The following XPR1 variants were observed in gnomAD, a reference collection of about 807,000 sequenced individuals.
The protein encoded by XPR1 is solute carrier family 53 member 1.
In XPR1, 28 loss-of-function variants were observed where a neutral mutation model predicts 87.5. That is an observed-to-expected ratio of 0.32 (90% CI 0.24 to 0.44). The LOEUF is 0.44. Ranked by LOEUF, XPR1 falls within the 20% of genes least tolerant of loss-of-function variation. The pLI, the probability that XPR1 is intolerant of heterozygous loss-of-function variation, is 1.00. For synonymous variants in XPR1, 300 were observed against 306.1 expected, an observed-to-expected ratio of 0.98 and a Z score of 0.21; for missense variants, 559 against 862.3, an observed-to-expected ratio of 0.65 and a Z score of 4.41.
chr1:180,835,080 G>T (rs143820529), intron 10 of XPR1, 35 bp downstream of exon 10: 6 of 1,600,844 alleles, frequency 3.7e-6, no homozygotes, highest in South Asian at 1.1e-5. Context: ...CTACTAAATC[G>T]CTGGTGTAAA....
intron 11 of XPR1, among the ~76,000 whole-genome samples, chr1:180,844,321 ATACT>A (rs1651610131): frequency 6.6e-6 from 1 of 152,230 alleles, no homozygotes; most frequent in Non-Finnish European, 1.5e-5. Flanking sequence ...TTTAATTTAC[ATACT>A]TTATATTATA....
chr1:180,832,958 G>C (rs1328632040), intron 9 of XPR1, among the ~76,000 whole-genome samples: 1 of 152,128 alleles, frequency 6.6e-6, no homozygotes, highest in Non-Finnish European at 1.5e-5. Flanking sequence ...TGGGCAGTAT[G>C]GCATTTTCAC....
intron 11 of XPR1, among the ~76,000 whole-genome samples, chr1:180,852,062 GT>G (rs745398699): frequency 1.3e-5 from 2 of 151,286 alleles, no homozygotes; most frequent in African/African-American, 2.4e-5. Flanking sequence ...GGAGCTCACG[GT>G]TTGGTAAGGG....
At chr1:180,798,459 G>A (rs1488473194) in intron 3 of XPR1, among the ~76,000 whole-genome samples, 2 of 152,040 alleles carry the variant, frequency 1.3e-5, no homozygotes, top group East Asian at 1.9e-4. Flanking sequence ...AAAGGTCAAG[G>A]GGTTATAATT....
intron 3 of XPR1, among the ~76,000 whole-genome samples, chr1:180,795,870 C>T (rs187370080): frequency 8.2e-4 from 125 of 152,202 alleles, no homozygotes; most frequent in African/African-American, 3.0e-3. Flanking sequence ...TGTGGTGGTG[C>T]GATCTCAGCT....
At chr1:180,710,047 A>C (rs1429345787) in intron 2 of XPR1, among the ~76,000 whole-genome samples, 2 of 151,894 alleles carry the variant, frequency 1.3e-5, no homozygotes, top group East Asian at 3.9e-4. Context: ...CTGGTACTAC[A>C]GGCACCTGGC....
chr1:180,826,705 CCT>C (rs1056849431), intron 9 of XPR1, among the ~76,000 whole-genome samples: 4 of 152,150 alleles, frequency 2.6e-5, no homozygotes, highest in Non-Finnish European at 5.9e-5. Context: ...TATTTTCTCA[CCT>C]CTTTTTCACT....
intron 9 of XPR1, among the ~76,000 whole-genome samples, chr1:180,834,025 C>T (rs1041518763): frequency 3.3e-5 from 5 of 151,816 alleles, no homozygotes; most frequent in Admixed American, 1.3e-4. Flanking sequence ...GGAGTAGGAA[C>T]GTTCATAGAA....
intron 2 of XPR1, among the ~76,000 whole-genome samples, chr1:180,731,222 A>G (rs546154056): frequency 6.6e-6 from 1 of 152,240 alleles, no homozygotes; most frequent in East Asian, 1.9e-4. Context: ...TAAAAATAAA[A>G]AGAAGTGTTA....
intron 12 of XPR1, 28 bp downstream of exon 12, chr1:180,863,902 A>G: frequency 6.5e-7 from 1 of 1,545,264 alleles, no homozygotes; most frequent in South Asian, 1.3e-5. Flanking sequence ...GTTTGTTTAA[A>G]AGAACAAACT....
intron 7 of XPR1, among the ~76,000 whole-genome samples, chr1:180,816,972 C>T (rs1044387565): frequency 4.6e-5 from 7 of 151,986 alleles, no homozygotes; most frequent in East Asian, 3.9e-4. Context: ...GTTATTGCCC[C>T]GAAGACCTTC....
At chr1:180,838,115 A>G (rs1161868811) in intron 11 of XPR1, among the ~76,000 whole-genome samples, 2 of 152,230 alleles carry the variant, frequency 1.3e-5, no homozygotes, top group African/African-American at 2.4e-5. Context: ...GTACTGATAA[A>G]GTAAATGGTC....
intron 13 of XPR1, chr1:180,874,177 G>C (rs189386982): frequency 7.0e-6 from 3 of 430,144 alleles, no homozygotes; most frequent in African/African-American, 6.0e-5. Context: ...TTACAGGCGT[G>C]AGCTACTGTG....
chr1:180,882,061 T>C (rs1652865439), intron 14 of XPR1, among the ~76,000 whole-genome samples: 1 of 152,292 alleles, frequency 6.6e-6, no homozygotes, highest in East Asian at 1.9e-4. Context: ...GTGACCTCAT[T>C]GAGCTCCTGA....
chr1:180,734,805 T>C (rs991443497), intron 2 of XPR1, among the ~76,000 whole-genome samples: 7 of 151,884 alleles, frequency 4.6e-5, no homozygotes, highest in South Asian at 4.1e-4. Flanking sequence ...GGGTTTTGAG[T>C]GGGGTGGGGT....
In XPR1 at chr1:180,706,589, C is replaced by G. The variant is rs9919331; in HGVS notation, c.121+24178C>G. On this transcript the variant is annotated intron_variant, in intron 2 of 14. Coordinates refer to ENST00000367590, the MANE Select transcript of XPR1 (RefSeq NM_004736.4). ...TAGTACATTCACTGTTGTACAACAT[C>G]TACATCTATCAAGACACAGAAGCTT... Among the ~76,000 whole-genome samples, 698 of 152,076 alleles carry G rather than the reference C, an allele frequency of 4.6e-3. 4 individuals are homozygous for G. Among genetic ancestry groups the G allele is most frequent in the African/African-American group, 0.016 (674 of 41,508 alleles).
At chr1:180,719,238 TG>T (rs1386793094) in intron 2 of XPR1, among the ~76,000 whole-genome samples, 1 of 152,240 alleles carries the variant, frequency 6.6e-6, no homozygotes. Context: ...TAAATGTTTA[TG>T]TGATAATTTC....
chr1:180,689,818 C>G (rs73051245), intron 2 of XPR1, among the ~76,000 whole-genome samples: 6,550 of 152,208 alleles, frequency 0.043, 504 homozygotes, highest in African/African-American at 0.15. Context: ...ACTCTCTGTA[C>G]TATCTTTGCA....
At chr1:180,769,463 C>G in intron 2 of XPR1, among the ~76,000 whole-genome samples, 1 of 138,488 alleles carries the variant, frequency 7.2e-6, no homozygotes, top group East Asian at 2.3e-4. Context: ...CTTTCTCTCT[C>G]TCTCTCTCTC....
Sources: gnomAD v4.1 joint callset for allele counts (sites outside exome capture counted in the v4.1 genomes callset) on GRCh38, gnomAD v4.1.1 for gene constraint, MANE v1.5 for transcripts, NCBI Gene and HGNC (gene_info 2026-07-23, HGNC 2026-07-21) for gene names.